The following GABRA3 variants were observed in gnomAD, a reference collection of about 807,000 sequenced individuals.
GABRA3 encodes gamma-aminobutyric acid receptor subunit alpha-3.
GABRA3 carries 10 observed loss-of-function variants against 30.1 expected under a neutral mutation model. The ratio of observed to expected loss-of-function variants is 0.33; its 90% confidence interval spans 0.20 to 0.56. The LOEUF (loss-of-function observed/expected upper bound fraction) is 0.56, where lower values mean the gene tolerates loss of function less well. GABRA3 is among the 20% of genes least tolerant of loss of function. The probability of loss-of-function intolerance (pLI) is 0.89; values close to 1 mark genes in which losing one functional copy is unlikely to be tolerated. For synonymous variants in GABRA3, 151 were observed against 146.8 expected, an observed-to-expected ratio of 1.03 and a Z score of -0.21; for missense variants, 233 against 392.0, an observed-to-expected ratio of 0.59 and a Z score of 3.42.
intron 1 of GABRA3, among the ~76,000 whole-genome samples, chrX:152,385,495 A>G (rs1376412993): frequency 3.6e-5 from 4 of 112,179 alleles, no homozygotes; most frequent in African/African-American, 9.7e-5. Context: ...TAAATTAACA[A>G]GCAAGAAGCC....
chrX:152,184,523 A>T (rs949867333), intron 9 of GABRA3, among the ~76,000 whole-genome samples: 1 of 111,273 alleles, frequency 9.0e-6, no homozygotes. Context: ...TTTCCTGGAG[A>T]GTATACATCT....
chrX:152,324,837 A>G (rs896197751), intron 3 of GABRA3, among the ~76,000 whole-genome samples: 1 of 112,001 alleles, frequency 8.9e-6, no homozygotes, highest in Non-Finnish European at 1.9e-5. Flanking sequence ...AAATACTAGG[A>G]TACATAGGAT....
rs757568146 is a variant in GABRA3 at position 152,251,053 on chromosome X, G to C, written c.551+4725C>G. On this transcript the variant is annotated intron_variant, in intron 5 of 9. Transcript: ENST00000370314. ...ATTGTGGGGCTGTAAAAAGAGCCAG[G>C]CTTTTATTTTTCCATTTTGAGCCTA... The C allele has an allele frequency of 3.8e-4, 112 of 294,156 alleles. No homozygotes were observed. In the Middle Eastern group the frequency reaches 6.8e-3, roughly 18 times the overall value. The allele number at this position is 294,156 out of a possible 1,213,427, so 24.2% of individuals were successfully genotyped here. A position where few individuals can be genotyped will look rare whatever the true frequency, so the allele number is the denominator to read the frequency against.
At chrX:152,375,972 T>C (rs1928986536) in intron 1 of GABRA3, among the ~76,000 whole-genome samples, 2 of 111,982 alleles carry the variant, frequency 1.8e-5, no homozygotes, top group South Asian at 7.6e-4. Context: ...CAGTTTCACA[T>C]ATCCTGACTC....
In GABRA3 at chrX:152,255,768, ACT is replaced by A. The variant is rs767749265; in HGVS notation, c.551+8_551+9del. The stretch of plus-strand genomic sequence containing the variant: ...CAATATACTTTGGGTGGGAACCACC[ACT>A]CTCTGACCTCATTGTATAGAGGAGG... On this transcript the variant is annotated splice_region_variant and intron_variant, in intron 5 of 9. Transcript: ENST00000370314. 42 of 1,198,807 alleles carry A rather than the reference ACT, an allele frequency of 3.5e-5. No individual in the cohort carries two copies. The highest frequency in any genetic ancestry group is 4.4e-5 in the Non-Finnish European group (39 of 885,200).
chrX:152,297,284 T>C (rs1338273974), intron 3 of GABRA3, among the ~76,000 whole-genome samples: 1 of 111,907 alleles, frequency 8.9e-6, no homozygotes, highest in Non-Finnish European at 1.9e-5. Flanking sequence ...TGTTGGACAG[T>C]AGACACCATT....
At chrX:152,410,123 A>G (rs765906547) in intron 1 of GABRA3, among the ~76,000 whole-genome samples, 3 of 112,287 alleles carry the variant, frequency 2.7e-5, no homozygotes, top group Admixed American at 9.4e-5. Context: ...GCATGAAAAG[A>G]AAAACTTTGC....
At chrX:152,263,117 C>T (rs1174258715) in intron 4 of GABRA3, among the ~76,000 whole-genome samples, 1 of 110,857 alleles carries the variant, frequency 9.0e-6, no homozygotes, top group Non-Finnish European at 1.9e-5. Flanking sequence ...AGAGTAAGCA[C>T]CCCCATGATT....
chrX:152,194,489 C>T (rs1383211506), intron 8 of GABRA3, among the ~76,000 whole-genome samples: 1 of 111,492 alleles, frequency 9.0e-6, no homozygotes, highest in African/African-American at 3.3e-5. Flanking sequence ...ATTTCATTAT[C>T]TTAATGTTAT....
intron 1 of GABRA3, among the ~76,000 whole-genome samples, chrX:152,407,545 A>C (rs1437245040): frequency 8.9e-6 from 1 of 112,038 alleles, no homozygotes; most frequent in African/African-American, 3.2e-5. Flanking sequence ...CCAAAAGCTG[A>C]AGAGATCAAT....
At chrX:152,247,099 T>C (rs989544131) in intron 5 of GABRA3, among the ~76,000 whole-genome samples, 1 of 111,659 alleles carries the variant, frequency 9.0e-6, no homozygotes, top group Admixed American at 9.5e-5. Flanking sequence ...ACATAGTTTG[T>C]CTTTGGAATA....
chrX:152,335,706 C>T (rs1474960903), intron 3 of GABRA3, among the ~76,000 whole-genome samples: 1 of 111,558 alleles, frequency 9.0e-6, no homozygotes, highest in African/African-American at 3.3e-5. Flanking sequence ...TTACTATACC[C>T]ACCACCTGAA....
At chrX:152,187,772 T>C (rs1196367290) in intron 9 of GABRA3, among the ~76,000 whole-genome samples, 1 of 112,219 alleles carries the variant, frequency 8.9e-6, no homozygotes, top group Non-Finnish European at 1.9e-5. Flanking sequence ...GATATTTCCA[T>C]ACATAACAAG....
intron 1 of GABRA3, among the ~76,000 whole-genome samples, chrX:152,413,906 AT>A (rs936886062): frequency 7.7e-4 from 85 of 111,063 alleles, no homozygotes; most frequent in African/African-American, 2.5e-3. Flanking sequence ...TAAAAAAAAA[AT>A]CTCCTACCAA....
chrX:152,294,475 A>T lies in GABRA3; in HGVS notation c.263-9740T>A, dbSNP rs142192477. On this transcript the variant is annotated intron_variant, in intron 3 of 9. Coordinates refer to ENST00000370314, the MANE Select transcript of GABRA3 (RefSeq NM_000808.4). ...TTCTCGTGCCATGGTTTTCAGCTCC[A>T]TCGGGTCACTGAAGTTCTTCTCTAC... 4.5e-5 allele frequency among the ~76,000 whole-genome samples: 5 copies of T among 111,410 alleles called. No individual in the cohort carries two copies. The East Asian group carries it at 1.4e-3, about 32-fold the overall frequency.
At chrX:152,199,321 G>C (rs5925132) in intron 7 of GABRA3, among the ~76,000 whole-genome samples, 27,979 of 100,196 alleles carry the variant, frequency 0.28, 4,937 homozygotes, top group Non-Finnish European at 0.42. Context: ...AGCCAAGGTC[G>C]TGCCACTGCA....
chrX:152,270,401 TAC>T (rs1435229096), intron 4 of GABRA3, among the ~76,000 whole-genome samples: 2 of 111,993 alleles, frequency 1.8e-5, no homozygotes, highest in African/African-American at 6.5e-5. Flanking sequence ...CTTTATAAAT[TAC>T]AGTCTTAGGC....
intron 1 of GABRA3, among the ~76,000 whole-genome samples, chrX:152,436,938 A>C (rs912003199): frequency 9.0e-6 from 1 of 111,610 alleles, no homozygotes; most frequent in Non-Finnish European, 1.9e-5. Flanking sequence ...ATATCTTCTA[A>C]AGAATTTGTA....
At chrX:152,343,198 C>T (rs959838190) in intron 3 of GABRA3, among the ~76,000 whole-genome samples, 4 of 111,384 alleles carry the variant, frequency 3.6e-5, no homozygotes, top group African/African-American at 1.3e-4. Flanking sequence ...GTCCACCAGA[C>T]GCTATCTGGG....
Sources: allele counts gnomAD v4.1 joint callset (sites outside exome capture counted in the v4.1 genomes callset), GRCh38; gene constraint gnomAD v4.1.1; transcripts MANE v1.5; gene names NCBI Gene and HGNC (gene_info 2026-07-23, HGNC 2026-07-21).